The following MRTFA variants were observed in gnomAD, a reference collection of about 807,000 sequenced individuals.
MRTFA encodes the protein myocardin-related transcription factor A.
MRTFA carries 20 observed loss-of-function variants against 83.5 expected under a neutral mutation model. The ratio of observed to expected loss-of-function variants is 0.24; its 90% CI spans 0.17 to 0.35. The LOEUF is 0.35. Among genes scored for constraint, MRTFA ranks in the 10% least tolerant of loss-of-function variants. The pLI, the probability that MRTFA is intolerant of heterozygous loss-of-function variation, is 1.00. For synonymous variants in MRTFA, 659 were observed against 541.2 expected (o/e 1.22, Z -3.02); for missense variants, 1,200 against 1,224.7 (o/e 0.98, Z 0.30).
At chr22:40,510,541 T>G (rs2054650582) in intron 3 of MRTFA, among the ~76,000 whole-genome samples, 1 of 152,032 alleles carries the variant, frequency 6.6e-6, no homozygotes, top group South Asian at 2.1e-4. Context: ...GTGATGAAAA[T>G]ATCATGTGTA....
At chr22:40,421,429 C>T (rs892021168) in intron 9 of MRTFA, among the ~76,000 whole-genome samples, 2 of 152,166 alleles carry the variant, frequency 1.3e-5, no homozygotes, top group African/African-American at 4.8e-5. Flanking sequence ...TCGGGCTGCG[C>T]CAGACCAGGC....
At chr22:40,419,710 A>G (rs181901528) in intron 11 of MRTFA, among the ~76,000 whole-genome samples, 5 of 152,314 alleles carry the variant, frequency 3.3e-5, no homozygotes, top group East Asian at 1.9e-4. Flanking sequence ...AACAGACTGT[A>G]TTTTGCAAAG....
intron 3 of MRTFA, among the ~76,000 whole-genome samples, chr22:40,533,284 T>C (rs1486987265): frequency 6.6e-6 from 1 of 152,228 alleles, no homozygotes; most frequent in Non-Finnish European, 1.5e-5. Flanking sequence ...TTGTCTTTCA[T>C]TTAAAACAGT....
intron 4 of MRTFA, among the ~76,000 whole-genome samples, chr22:40,450,467 C>T (rs1475347306): frequency 1.3e-5 from 2 of 150,790 alleles, no homozygotes; most frequent in African/African-American, 4.9e-5. Flanking sequence ...TTTATTTATT[C>T]ATTTTTGAGA....
At chr22:40,502,751 G>A (rs569881626) in intron 3 of MRTFA, among the ~76,000 whole-genome samples, 299 of 151,710 alleles carry the variant, frequency 2.0e-3, no homozygotes, top group African/African-American at 6.4e-3. Flanking sequence ...TTCTCCAGCC[G>A]CTGCCTCCCG....
intron 3 of MRTFA, among the ~76,000 whole-genome samples, chr22:40,520,390 G>A (rs1005998290): frequency 1.9e-4 from 29 of 151,782 alleles, no homozygotes; most frequent in Non-Finnish European, 4.0e-4. Flanking sequence ...CCTTTCATTT[G>A]GAAAATGTTT....
intron 1 of MRTFA, among the ~76,000 whole-genome samples, chr22:40,611,219 G>A (rs553745518): frequency 1.7e-4 from 26 of 152,020 alleles, no homozygotes; most frequent in Non-Finnish European, 3.2e-4. Context: ...GATTACAGGC[G>A]TGAGCCACTG....
At position 40,510,906 on chromosome 22, in the gene MRTFA, G is replaced by C. The variant is rs117636434; in HGVS notation, c.241+41200C>G. Among the ~76,000 whole-genome samples, 69 of 152,234 alleles carry C rather than the reference G, an allele frequency of 4.5e-4. 2 individuals are homozygous for C. In the East Asian group the frequency reaches 0.013, roughly 28 times the overall value. Reference sequence around the variant, plus strand: ...TATGTGCTTTTTTTAAAAAAAGCACGAAGTGTTCTGGGAACCAAAAGCTGG... The same window carrying C: ...TATGTGCTTTTTTTAAAAAAAGCACCAAGTGTTCTGGGAACCAAAAGCTGG... On this transcript the variant is annotated intron_variant, in intron 3 of 14. Transcript: ENST00000355630.
chr22:40,537,004 G>A (rs1293406949), intron 3 of MRTFA, among the ~76,000 whole-genome samples: 1 of 67,502 alleles, frequency 1.5e-5, no homozygotes, highest in African/African-American at 7.0e-5. Flanking sequence ...CCCCGTCCGG[G>A]AGGGAGGTGG....
intron 4 of MRTFA, among the ~76,000 whole-genome samples, chr22:40,453,029 C>T (rs1473288236): frequency 1.3e-5 from 2 of 152,068 alleles, no homozygotes; most frequent in East Asian, 3.9e-4. Context: ...ACAGCAGAAG[C>T]GAGACAAGGA....
chr22:40,619,905 A>G (rs555017618), intron 1 of MRTFA, among the ~76,000 whole-genome samples: 7 of 151,366 alleles, frequency 4.6e-5, no homozygotes, highest in East Asian at 1.9e-4. Flanking sequence ...AAAAAAAAAA[A>G]AAAAGAAATC....
intron 3 of MRTFA, among the ~76,000 whole-genome samples, chr22:40,471,615 G>C (rs567126864): frequency 2.3e-4 from 35 of 152,306 alleles, no homozygotes; most frequent in African/African-American, 8.4e-4. Flanking sequence ...GGGCGCGGTA[G>C]CTCATGCTTG....
At chr22:40,570,491 C>T (rs529747927) in intron 2 of MRTFA, among the ~76,000 whole-genome samples, 65 of 141,314 alleles carry the variant, frequency 4.6e-4, no homozygotes, top group African/African-American at 1.6e-3. Flanking sequence ...GGCAGGAGAA[C>T]GGCATGAACC....
At chr22:40,516,422 GA>G (rs56745896) in intron 3 of MRTFA, among the ~76,000 whole-genome samples, 2,795 of 46,994 alleles carry the variant, frequency 0.059, 27 homozygotes, top group Middle Eastern at 0.2. Flanking sequence ...ACTGCCTCAA[GA>G]AAAAAAAAAA....
chr22:40,454,676 C>G (rs760998762), intron 4 of MRTFA, among the ~76,000 whole-genome samples: 9 of 152,168 alleles, frequency 5.9e-5, no homozygotes, highest in Non-Finnish European at 1.2e-4. Flanking sequence ...GTTATTATCC[C>G]AACTATATGA....
chr22:40,451,097 T>C (rs1294626999), intron 4 of MRTFA, among the ~76,000 whole-genome samples: 1 of 152,232 alleles, frequency 6.6e-6, no homozygotes, highest in Non-Finnish European at 1.5e-5. Flanking sequence ...ATGTAGCTTT[T>C]TTCCTTTATT....
chr22:40,479,259 A>C (rs1201956153), intron 3 of MRTFA, among the ~76,000 whole-genome samples: 1 of 152,104 alleles, frequency 6.6e-6, no homozygotes, highest in Non-Finnish European at 1.5e-5. Flanking sequence ...GCGCCAGCTA[A>C]GGGGAGAATG....
At chr22:40,625,109 G>A (rs977482988) in intron 1 of MRTFA, among the ~76,000 whole-genome samples, 1 of 151,924 alleles carries the variant, frequency 6.6e-6, no homozygotes, top group Non-Finnish European at 1.5e-5. Flanking sequence ...TCCCATTCCA[G>A]GACTCCTAAC....
intron 4 of MRTFA, among the ~76,000 whole-genome samples, chr22:40,438,117 G>A (rs1292009936): frequency 7.9e-5 from 12 of 152,302 alleles, no homozygotes; most frequent in East Asian, 1.9e-4. Flanking sequence ...CAAGGGATCT[G>A]TGTTCTAGTA....
Sources: allele counts gnomAD v4.1 joint callset (sites outside exome capture counted in the v4.1 genomes callset), GRCh38; gene constraint gnomAD v4.1.1; transcripts MANE v1.5; gene names NCBI Gene and HGNC (gene_info 2026-07-23, HGNC 2026-07-21).